The following FGGY variants were observed in gnomAD, a reference collection of about 807,000 sequenced individuals.
The protein encoded by FGGY is FGGY carbohydrate kinase domain-containing protein.
In FGGY, 72 loss-of-function variants were observed where a neutral mutation model predicts 71.3. The ratio of observed to expected loss-of-function variants is 1.01; its 90% CI spans 0.84 to 1.23. FGGY has a LOEUF of 1.23. Ranked by LOEUF, FGGY falls within the 50% of genes most tolerant of loss-of-function variation. The pLI, the probability that FGGY is intolerant of heterozygous loss-of-function variation, is 0.00. For synonymous variants in FGGY, 251 were observed against 250.3 expected, an observed-to-expected ratio of 1.00 and a Z score of -0.02; for missense variants, 668 against 682.3, an observed-to-expected ratio of 0.98 and a Z score of 0.23.
chr1:59,539,232 G>A (rs1570947422), intron 7 of FGGY, among the ~76,000 whole-genome samples: 1 of 152,130 alleles, frequency 6.6e-6, no homozygotes, highest in Non-Finnish European at 1.5e-5. Flanking sequence ...CTTCAGTTCA[G>A]CATTCTAGCA....
intron 11 of FGGY, among the ~76,000 whole-genome samples, chr1:59,658,119 C>G (rs898171236): frequency 3.3e-5 from 5 of 152,166 alleles, no homozygotes; most frequent in African/African-American, 1.2e-4. Context: ...ATGTTCCAGG[C>G]ACAGCACTGG....
At chr1:59,709,115 A>AT (rs1385390130) in intron 14 of FGGY, among the ~76,000 whole-genome samples, 1 of 152,080 alleles carries the variant, frequency 6.6e-6, no homozygotes, top group Non-Finnish European at 1.5e-5. Flanking sequence ...GTATTAGTCC[A>AT]TTTTCACACT....
chr1:59,695,748 G>C (rs1003500738), intron 14 of FGGY, among the ~76,000 whole-genome samples: 1 of 152,172 alleles, frequency 6.6e-6, no homozygotes, highest in Non-Finnish European at 1.5e-5. Flanking sequence ...CCTGGACCGT[G>C]GCTGGTCCAT....
chr1:59,610,793 A>G (rs1350300442), intron 9 of FGGY, among the ~76,000 whole-genome samples: 1 of 152,220 alleles, frequency 6.6e-6, no homozygotes, highest in Non-Finnish European at 1.5e-5. Flanking sequence ...TGGCACCTGG[A>G]AAATTGGGTC....
chr1:59,635,643 A>G (rs1243760845), intron 10 of FGGY, among the ~76,000 whole-genome samples: 5 of 151,992 alleles, frequency 3.3e-5, no homozygotes, highest in Admixed American at 3.3e-4. Flanking sequence ...ACTTCTGGCT[A>G]GAAAAGATGT....
At chr1:59,362,022 C>T (rs985948513) in intron 4 of FGGY, among the ~76,000 whole-genome samples, 8 of 152,142 alleles carry the variant, frequency 5.3e-5, no homozygotes, top group East Asian at 1.9e-4. Flanking sequence ...ACCGCGAACA[C>T]GGCTGATTTC....
intron 6 of FGGY, among the ~76,000 whole-genome samples, chr1:59,459,316 CAA>C (rs1364856178): frequency 1.3e-5 from 2 of 152,138 alleles, no homozygotes; most frequent in African/African-American, 2.4e-5. Flanking sequence ...TAATAACATG[CAA>C]GTTTCTAAAG....
At chr1:59,403,458 G>C (rs980346094) in intron 5 of FGGY, among the ~76,000 whole-genome samples, 5 of 152,124 alleles carry the variant, frequency 3.3e-5, no homozygotes, top group Non-Finnish European at 7.4e-5. Flanking sequence ...ACCATAACAA[G>C]AGTCTGGCAG....
At chr1:59,471,828 C>T (rs959552461) in intron 6 of FGGY, among the ~76,000 whole-genome samples, 1 of 152,208 alleles carries the variant, frequency 6.6e-6, no homozygotes, top group Non-Finnish European at 1.5e-5. Flanking sequence ...TTTTCAGTAA[C>T]TCTACAGATG....
chr1:59,403,013 G>T (rs1410683775), intron 5 of FGGY, among the ~76,000 whole-genome samples: 1 of 152,140 alleles, frequency 6.6e-6, no homozygotes, highest in Non-Finnish European at 1.5e-5. Flanking sequence ...AGTCCAGACT[G>T]TCACGTGTGA....
At chr1:59,451,985 T>G (rs2072842656) in intron 5 of FGGY, among the ~76,000 whole-genome samples, 1 of 152,154 alleles carries the variant, frequency 6.6e-6, no homozygotes, top group South Asian at 2.1e-4. Flanking sequence ...AATGAGACTT[T>G]TAATCTGTGG....
At chr1:59,551,264 A>T (rs995077769) in intron 7 of FGGY, among the ~76,000 whole-genome samples, 4 of 152,202 alleles carry the variant, frequency 2.6e-5, no homozygotes, top group African/African-American at 9.6e-5. Flanking sequence ...TCCTTTTCTC[A>T]TAATAGCACA....
rs7523222 is a variant in FGGY at position 59,433,965 on chromosome 1, A to G, written c.555-22996A>G. Among the ~76,000 whole-genome samples, 258 of 152,306 alleles carry G rather than the reference A, an allele frequency of 1.7e-3. 2 individuals carry two copies. The highest frequency in any genetic ancestry group is 5.9e-3 in the African/African-American group (247 of 41,572). On this transcript the variant is annotated intron_variant, in intron 5 of 15. Transcript: ENST00000303721. Reference sequence around the variant, plus strand: ...CAGAGACATGAATTCAAGATCTGCCATTTATTATTTGTTTCATTTTGGACA... The same window carrying G: ...CAGAGACATGAATTCAAGATCTGCCGTTTATTATTTGTTTCATTTTGGACA...
At chr1:59,304,141 A>G (rs1239205496) in intron 1 of FGGY, among the ~76,000 whole-genome samples, 2 of 152,152 alleles carry the variant, frequency 1.3e-5, no homozygotes, top group Non-Finnish European at 2.9e-5. Context: ...TGTCATATCC[A>G]AAAAATCATA....
At chr1:59,535,350 C>A (rs1211541146) in intron 7 of FGGY, among the ~76,000 whole-genome samples, 1 of 152,108 alleles carries the variant, frequency 6.6e-6, no homozygotes, top group African/African-American at 2.4e-5. Flanking sequence ...GAGTGACCTA[C>A]AAAGAGACTT....
In FGGY at chr1:59,343,677, T is replaced by G. The variant is rs1469955207; in HGVS notation, c.314-2570T>G. Among the ~76,000 whole-genome samples the G allele has an allele frequency of 2.0e-5, 3 of 152,182 alleles. No individual in the cohort carries two copies. In the East Asian group the frequency reaches 5.8e-4, roughly 29 times the overall value. On this transcript the variant is annotated intron_variant, in intron 3 of 15. Coordinates refer to ENST00000303721, the MANE Select transcript of FGGY (RefSeq NM_018291.5). ...ATGTAGTAGATGCTCAATAAAAGAT[T>G]AAATGAACTTTCAGTTTTCCATAAG...
At chr1:59,689,797 A>T (rs1338536696) in intron 14 of FGGY, among the ~76,000 whole-genome samples, 1 of 152,198 alleles carries the variant, frequency 6.6e-6, no homozygotes, top group Non-Finnish European at 1.5e-5. Flanking sequence ...GAATTTCAGG[A>T]TGGAGAAAGC....
chr1:59,375,604 T>A (rs1370306424), intron 4 of FGGY, among the ~76,000 whole-genome samples: 1 of 152,158 alleles, frequency 6.6e-6, no homozygotes, highest in Non-Finnish European at 1.5e-5. Context: ...ACTTCAGAGG[T>A]TATAGAGGGC....
intron 14 of FGGY, among the ~76,000 whole-genome samples, chr1:59,730,819 G>T (rs1324663093): frequency 6.6e-6 from 1 of 152,208 alleles, no homozygotes; most frequent in Non-Finnish European, 1.5e-5. Flanking sequence ...GTAGCTGTTA[G>T]CCTGTATAGT....
Sources: allele counts gnomAD v4.1 joint callset (sites outside exome capture counted in the v4.1 genomes callset), GRCh38; gene constraint gnomAD v4.1.1; transcripts MANE v1.5; gene names NCBI Gene and HGNC (gene_info 2026-07-23, HGNC 2026-07-21).